Variants in FAM13A observed in about 807,000 individuals in gnomAD.
The protein encoded by FAM13A is family with sequence similarity 13 member A, also known as protein FAM13A.
A neutral mutation model predicts 129.6 loss-of-function variants in FAM13A; 76 were observed. The observed-to-expected ratio is 0.59, with a 90% CI of 0.49 to 0.71. The LOEUF is 0.71. Ranked by LOEUF, FAM13A falls within the 30% of genes least tolerant of loss-of-function variation. The probability of loss-of-function intolerance (pLI) is 0.00; values close to 1 mark genes in which losing one functional copy is unlikely to be tolerated. For synonymous variants in FAM13A, 443 were observed against 449.9 expected (o/e 0.98, Z 0.20); for missense variants, 1,108 against 1,249.3 (o/e 0.89, Z 1.70).
chr4:88,840,799 G>A (rs1735681493), intron 7 of FAM13A, among the ~76,000 whole-genome samples: 1 of 152,086 alleles, frequency 6.6e-6, no homozygotes, highest in South Asian at 2.1e-4. Flanking sequence ...AAGGTGGGAG[G>A]GAGAAGAGTG....
intron 2 of FAM13A, among the ~76,000 whole-genome samples, chr4:89,025,656 G>C (rs1795735): frequency 2.0e-5 from 3 of 152,064 alleles, no homozygotes; most frequent in Non-Finnish European, 4.4e-5. Context: ...ACATGTGGTA[G>C]AACGGTGTGC....
intron 5 of FAM13A, among the ~76,000 whole-genome samples, chr4:88,922,283 T>C (rs1751250554): frequency 6.6e-6 from 1 of 151,678 alleles, no homozygotes; most frequent in African/African-American, 2.4e-5. Flanking sequence ...TATTCCAAAA[T>C]TGACCACATA....
chr4:88,750,741 GC>G, intron 14 of FAM13A, 104 bp from the exon 15 acceptor site: 1 of 805,672 alleles, frequency 1.2e-6, no homozygotes, highest in South Asian at 1.7e-5. Flanking sequence ...TTAGGAAGCT[GC>G]CCATTGAATC....
chr4:89,044,640 T>C (rs1770600339), intron 1 of FAM13A, among the ~76,000 whole-genome samples: 1 of 152,142 alleles, frequency 6.6e-6, no homozygotes. Flanking sequence ...AGCAGCATTA[T>C]TCACGACAGC....
intron 7 of FAM13A, among the ~76,000 whole-genome samples, chr4:88,814,564 A>G (rs1418580389): frequency 1.3e-5 from 2 of 152,204 alleles, no homozygotes; most frequent in Non-Finnish European, 2.9e-5. Flanking sequence ...GAGTTGAAAA[A>G]GAGGAAAGTC....
At chr4:89,028,206 C>CAAA (rs35426702) in intron 2 of FAM13A, among the ~76,000 whole-genome samples, 11 of 78,608 alleles carry the variant, frequency 1.4e-4, no homozygotes, top group African/African-American at 4.6e-4. Flanking sequence ...ACCTCCGTCT[C>CAAA]AAAAAAAAAA....
chr4:88,989,980 G>A (rs1762740399), intron 4 of FAM13A: 1 of 152,118 alleles, frequency 6.6e-6, no homozygotes, highest in South Asian at 2.1e-4. Flanking sequence ...CTATCACGGA[G>A]CTTCTGAATA....
intron 7 of FAM13A, among the ~76,000 whole-genome samples, chr4:88,848,501 C>A (rs767548810): frequency 3.9e-5 from 6 of 152,196 alleles, no homozygotes; most frequent in Non-Finnish European, 8.8e-5. Context: ...CTGGACCAAG[C>A]CCTCCTGTAA....
At chr4:88,993,632 G>A (rs1763183494) in intron 3 of FAM13A, among the ~76,000 whole-genome samples, 1 of 152,152 alleles carries the variant, frequency 6.6e-6, no homozygotes, top group Non-Finnish European at 1.5e-5. Flanking sequence ...ATTTTTCCAG[G>A]AAATAAAACA....
intron 1 of FAM13A, among the ~76,000 whole-genome samples, chr4:89,052,569 T>A (rs886270320): frequency 6.6e-6 from 1 of 150,598 alleles, no homozygotes. Context: ...GGGCCTGGGA[T>A]GAGAGTAATA....
chr4:88,874,164 C>A (rs111656548), intron 6 of FAM13A, among the ~76,000 whole-genome samples: 2 of 152,174 alleles, frequency 1.3e-5, no homozygotes, highest in Non-Finnish European at 2.9e-5. Flanking sequence ...CTATTTATGA[C>A]AAACCCACAG....
intron 14 of FAM13A, among the ~76,000 whole-genome samples, chr4:88,751,019 A>G (rs536316160): frequency 6.6e-6 from 1 of 152,370 alleles, no homozygotes; most frequent in South Asian, 2.1e-4. Flanking sequence ...AGGCGGACGG[A>G]TCACCTGAGG....
At chr4:88,795,128 C>G (rs915039158) in intron 8 of FAM13A, among the ~76,000 whole-genome samples, 1 of 151,744 alleles carries the variant, frequency 6.6e-6, no homozygotes, top group African/African-American at 2.4e-5. Context: ...GTTGCATCAT[C>G]CTTTTGCATC....
intron 8 of FAM13A, among the ~76,000 whole-genome samples, chr4:88,797,447 C>T (rs2149705012): frequency 6.6e-6 from 1 of 152,088 alleles, no homozygotes; most frequent in African/African-American, 2.4e-5. Context: ...TATTTTCTTA[C>T]AGAGACAGAG....
At chr4:88,763,520 C>T (rs1745190591) in intron 13 of FAM13A, among the ~76,000 whole-genome samples, 2 of 152,144 alleles carry the variant, frequency 1.3e-5, no homozygotes, top group South Asian at 4.1e-4. Flanking sequence ...ACATTCAGGT[C>T]AAGGAGCCAT....
At chr4:88,846,512 TA>T (rs1561149184) in intron 7 of FAM13A, among the ~76,000 whole-genome samples, 2 of 152,128 alleles carry the variant, frequency 1.3e-5, no homozygotes, top group South Asian at 2.1e-4. Context: ...GTATGAAGGA[TA>T]AAAATCTCTT....
chr4:88,826,907 ACAGGCAAC>A (rs1480558147), intron 7 of FAM13A, among the ~76,000 whole-genome samples: 1 of 152,080 alleles, frequency 6.6e-6, no homozygotes, highest in Non-Finnish European at 1.5e-5. Context: ...CTCCCTTCTG[ACAGGCAAC>A]CAAGTGAGTG....
At chr4:88,884,573 T>C (rs1381686416) in intron 6 of FAM13A, among the ~76,000 whole-genome samples, 1 of 151,978 alleles carries the variant, frequency 6.6e-6, no homozygotes, top group African/African-American at 2.4e-5. Context: ...GAAAGCATTC[T>C]CCCTAAGAAC....
chr4:88,750,104 A>T (rs1301456619), intron 15 of FAM13A, among the ~76,000 whole-genome samples, 195 bp from the exon 16 acceptor site: 1 of 152,188 alleles, frequency 6.6e-6, no homozygotes, highest in Non-Finnish European at 1.5e-5. Flanking sequence ...CCTATTAAGT[A>T]CATCTAGGCT....
Sources: allele counts gnomAD v4.1 joint callset (sites outside exome capture counted in the v4.1 genomes callset), GRCh38; gene constraint gnomAD v4.1.1; transcripts MANE v1.5; gene names NCBI Gene and HGNC (gene_info 2026-07-23, HGNC 2026-07-21).